Variants in MAML3 observed in about 807,000 individuals in gnomAD.
MAML3 encodes the protein mastermind like transcriptional coactivator 3, also known as mastermind-like protein 3.
Under a neutral mutation model 101.9 loss-of-function variants are expected in MAML3, and 27 were observed. That is an observed-to-expected ratio of 0.27 (90% confidence interval 0.20 to 0.37). The LOEUF is 0.37. Ranked by LOEUF, MAML3 falls within the 10% of genes least tolerant of loss-of-function variation. The probability of loss-of-function intolerance (pLI) is 1.00; values close to 1 mark genes in which losing one functional copy is unlikely to be tolerated. For missense variants in MAML3, 1,316 were observed against 1,444.9 expected (o/e 0.91, Z 1.45); for synonymous variants, 501 against 555.9 (o/e 0.90, Z 1.39).
intron 2 of MAML3, among the ~76,000 whole-genome samples, chr4:139,769,582 T>C (rs1413446031): frequency 6.6e-6 from 1 of 152,102 alleles, no homozygotes; most frequent in African/African-American, 2.4e-5. Flanking sequence ...GGCAATAAAA[T>C]ATGGTGAGTC....
intron 2 of MAML3, among the ~76,000 whole-genome samples, chr4:139,732,355 G>T (rs1383858500): frequency 2.0e-5 from 3 of 152,094 alleles, no homozygotes; most frequent in South Asian, 4.1e-4. Flanking sequence ...GAACCATGCA[G>T]GCTTCCCTCT....
intron 2 of MAML3, among the ~76,000 whole-genome samples, chr4:139,748,524 C>T (rs11100252): frequency 0.16 from 23,804 of 151,974 alleles, 2,430 homozygotes; most frequent in East Asian, 0.29. Context: ...ATGAGTAAAA[C>T]TGAAGGAGCA....
At chr4:139,764,459 C>T (rs982739323) in intron 2 of MAML3, among the ~76,000 whole-genome samples, 1 of 152,204 alleles carries the variant, frequency 6.6e-6, no homozygotes, top group Non-Finnish European at 1.5e-5. Context: ...CCATTAGGTC[C>T]AAGAGCCACT....
In MAML3 at chr4:139,917,016, A is replaced by G. The variant is rs148390506; in HGVS notation, c.469-26049T>C. On this transcript the variant is annotated intron_variant, in intron 1 of 4. Coordinates refer to ENST00000509479, the MANE Select transcript of MAML3 (RefSeq NM_018717.5). Reference sequence around the variant, plus strand: ...CTGAATTTTTAAACTGGAGGTTTACATAAAAATGGATTTCCAGAGTTCTGA... The same window carrying G: ...CTGAATTTTTAAACTGGAGGTTTACGTAAAAATGGATTTCCAGAGTTCTGA... 5.8e-3 allele frequency among the ~76,000 whole-genome samples: 879 copies of G among 152,368 alleles called. 9 individuals carry two copies. Among genetic ancestry groups the G allele is most frequent in the African/African-American group, 0.019 (798 of 41,588 alleles).
At chr4:140,057,507 G>A (rs1327590912) in intron 1 of MAML3, among the ~76,000 whole-genome samples, 1 of 152,158 alleles carries the variant, frequency 6.6e-6, no homozygotes. Flanking sequence ...ATTCCGCATA[G>A]TTGAATATCC....
At chr4:139,869,958 A>C (rs1033016193) in intron 2 of MAML3, among the ~76,000 whole-genome samples, 2 of 152,234 alleles carry the variant, frequency 1.3e-5, no homozygotes, top group African/African-American at 4.8e-5. Context: ...GTTTGGATTC[A>C]AATAGGCTTT....
At chr4:140,089,822 C>G (rs1334343150) in intron 1 of MAML3, among the ~76,000 whole-genome samples, 3 of 152,144 alleles carry the variant, frequency 2.0e-5, no homozygotes, top group African/African-American at 7.2e-5. Flanking sequence ...TGTTCCACAT[C>G]TTGATTGTGG....
intron 2 of MAML3, among the ~76,000 whole-genome samples, chr4:139,835,390 T>A (rs1173341455): frequency 6.6e-6 from 1 of 152,236 alleles, no homozygotes; most frequent in Non-Finnish European, 1.5e-5. Flanking sequence ...AGCTTTCATT[T>A]ATTATTTGAG....
intron 1 of MAML3, among the ~76,000 whole-genome samples, chr4:140,036,314 G>A (rs763453540): frequency 3.2e-4 from 49 of 152,208 alleles, no homozygotes; most frequent in Non-Finnish European, 5.9e-4. Flanking sequence ...ACAGCAGCTG[G>A]AGAGAGGGAT....
chr4:139,812,622 C>G (rs1202933996), intron 2 of MAML3, among the ~76,000 whole-genome samples: 1 of 152,208 alleles, frequency 6.6e-6, no homozygotes, highest in Non-Finnish European at 1.5e-5. Flanking sequence ...TTCAAGAACA[C>G]TGGCAGCCAC....
chr4:140,054,380 A>G (rs1022355485), intron 1 of MAML3, among the ~76,000 whole-genome samples: 8 of 151,804 alleles, frequency 5.3e-5, no homozygotes, highest in African/African-American at 7.2e-5. Flanking sequence ...AAAAAAAAAA[A>G]AAAAGAAAAG....
chr4:139,883,125 C>T (rs761442513), intron 2 of MAML3, among the ~76,000 whole-genome samples: 10 of 152,102 alleles, frequency 6.6e-5, no homozygotes, highest in African/African-American at 1.4e-4. Context: ...GCAAGACTTC[C>T]GTTAAGCAGC....
chr4:140,074,259 A>AAGAG (rs1491349411), intron 1 of MAML3, among the ~76,000 whole-genome samples: 1 of 150,336 alleles, frequency 6.7e-6, no homozygotes, highest in South Asian at 2.1e-4. Flanking sequence ...GAAAGAAAGA[A>AAGAG]AGAGGACATG....
chr4:139,890,930 C>G lies in MAML3; in HGVS notation c.506G>C (p.Arg169Pro). 6.2e-7 allele frequency: 1 copy of G among 1,613,168 alleles called. No homozygotes were observed. Among genetic ancestry groups the G allele is most frequent in the South Asian group, 1.1e-5 (1 of 90,936 alleles). The change falls in exon 2 of 5, where the codon CGA becomes CCA. Residue 169 changes from arginine to proline, a missense_variant. By Grantham distance (103) the Arg-to-Pro change is moderately radical. Coordinates refer to ENST00000509479, the MANE Select transcript of MAML3 (RefSeq NM_018717.5). The surrounding 1 kb of genome is among the most constrained non-coding windows in gnomAD (Gnocchi z 4.1). Reference protein sequence around the residue: ...ETVKRKLEGARSPLNGDQQNG... With the variant: ...ETVKRKLEGAPSPLNGDQQNG... ...CTGCTGGTCTCCATTAAGTGGTGAT[C>G]GAGCTCCTTCCAACTTCCTTTTCAC...
intron 1 of MAML3, among the ~76,000 whole-genome samples, chr4:139,957,080 C>A (rs1560848560): frequency 6.6e-6 from 1 of 152,154 alleles, no homozygotes; most frequent in Non-Finnish European, 1.5e-5. Context: ...TGGAATATGG[C>A]AGAAACAGGA....
At chr4:140,145,629 G>A (rs1364977113) in intron 1 of MAML3, among the ~76,000 whole-genome samples, 7 of 151,890 alleles carry the variant, frequency 4.6e-5, no homozygotes, top group East Asian at 3.9e-4. Flanking sequence ...GTAGTGGCAC[G>A]ATCTCAGCTC....
chr4:140,027,806 A>G (rs1578649408), intron 1 of MAML3, among the ~76,000 whole-genome samples: 1 of 152,320 alleles, frequency 6.6e-6, no homozygotes, highest in East Asian at 1.9e-4. Flanking sequence ...CCTGCTATCA[A>G]TTCTTCCATT....
In MAML3 at chr4:139,880,577, T is replaced by A. The variant is rs565709236; in HGVS notation, c.2079+8780A>T. On this transcript the variant is annotated intron_variant, in intron 2 of 4. Transcript: ENST00000509479. ...GATTCTGAAAACTACTCAATAGTTA[T>A]AATCACAAAATCTTCTTCCAAAATA... Among the ~76,000 whole-genome samples the A allele has an allele frequency of 3.3e-5, 5 of 152,308 alleles. No homozygotes were observed. The South Asian group carries it at 1.0e-3, about 32-fold the overall frequency.
chr4:140,122,149 A>AT (rs34963740), intron 1 of MAML3, among the ~76,000 whole-genome samples: 37,069 of 149,008 alleles, frequency 0.25, 4,674 homozygotes, highest in East Asian at 0.35. Context: ...ATTTTGAGTG[A>AT]TTTTTTTTGA....
Sources: allele counts gnomAD v4.1 joint callset (sites outside exome capture counted in the v4.1 genomes callset), GRCh38; gene constraint gnomAD v4.1.1; non-coding constraint Gnocchi (gnomAD v3.1); transcripts MANE v1.5; gene names NCBI Gene and HGNC (gene_info 2026-07-23, HGNC 2026-07-21).